ALDH7A1: variants seen among roughly 807,000 people sequenced by gnomAD.
The protein encoded by ALDH7A1 is alpha-aminoadipic semialdehyde dehydrogenase.
Under a neutral mutation model 79.9 loss-of-function variants are expected in ALDH7A1, and 63 were observed. The observed-to-expected ratio is 0.79, with a 90% CI of 0.64 to 0.97. ALDH7A1 has a LOEUF of 0.97. Ranked by LOEUF, ALDH7A1 falls within the 50% of genes least tolerant of loss-of-function variation. The pLI is 0.00. For synonymous variants in ALDH7A1, 240 were observed against 231.2 expected, an observed-to-expected ratio of 1.04 and a Z score of -0.34; for missense variants, 627 against 665.2, an observed-to-expected ratio of 0.94 and a Z score of 0.63.
At position 126,555,938 on chromosome 5, in the gene ALDH7A1, T is replaced by A; in HGVS notation, c.1086A>T (p.Pro362=). The change falls in exon 12 of 18, where the codon CCA becomes CCT. Residue 362 remains proline (P), a synonymous_variant. Transcript: ENST00000409134. The part of the protein sequence containing the change: ...KAYAQIRVGN[P]WDPNVLYGPL... The stretch of plus-strand genomic sequence containing the variant: ...GCAGAAGGAGATACTCACGGTCCCA[T>A]GGGTTCCCAACTCGGATCTGTGCAT... 1 of 1,612,694 alleles carries A rather than the reference T, an allele frequency of 6.2e-7. No individual in the cohort carries two copies. Among genetic ancestry groups the A allele is most frequent in the Non-Finnish European group, 8.5e-7 (1 of 1,178,854 alleles).
chr5:126,562,929 T>C (rs1750452515), intron 9 of ALDH7A1, among the ~76,000 whole-genome samples: 1 of 152,066 alleles, frequency 6.6e-6, no homozygotes, highest in Non-Finnish European at 1.5e-5. Flanking sequence ...ATGAAAGTAG[T>C]CCAAATCAAT....
At chr5:126,565,588 G>A (rs1750555087) in intron 9 of ALDH7A1, among the ~76,000 whole-genome samples, 1 of 152,040 alleles carries the variant, frequency 6.6e-6, no homozygotes, top group Admixed American at 6.6e-5. Context: ...GATGTCCTTT[G>A]AAGCACAAAA....
intron 9 of ALDH7A1, among the ~76,000 whole-genome samples, chr5:126,563,243 C>T (rs1484517007): frequency 1.3e-5 from 2 of 151,868 alleles, no homozygotes; most frequent in Non-Finnish European, 2.9e-5. Flanking sequence ...TTCCTCTGTG[C>T]ATTTATATCT....
chr5:126,546,960 C>T (rs532481848), intron 16 of ALDH7A1, among the ~76,000 whole-genome samples: 1 of 152,340 alleles, frequency 6.6e-6, no homozygotes, highest in East Asian at 1.9e-4. Flanking sequence ...CCAGAAAAAT[C>T]ACAGCTGAAT....
At chr5:126,578,733 T>C (rs1339054668) in intron 5 of ALDH7A1, among the ~76,000 whole-genome samples, 1 of 151,762 alleles carries the variant, frequency 6.6e-6, no homozygotes, top group African/African-American at 2.4e-5. Flanking sequence ...TCACCCATAA[T>C]CCTACAAGGT....
intron 5 of ALDH7A1, among the ~76,000 whole-genome samples, chr5:126,579,342 T>C (rs1040622743): frequency 6.6e-6 from 1 of 152,186 alleles, no homozygotes; most frequent in African/African-American, 2.4e-5. Flanking sequence ...TAACCTTCTC[T>C]TGGAGGCCTT....
chr5:126,570,347 A>G (rs1750731258), intron 8 of ALDH7A1: 2 of 197,396 alleles, frequency 1.0e-5, no homozygotes, highest in African/African-American at 4.8e-5. Context: ...GAAAAAAACA[A>G]TTTTACTAAA....
Position 126,595,179 on chromosome 5 carries a change from G to T in ALDH7A1, c.20C>A (p.Ala7Glu), listed in dbSNP as rs1561674305. The part of the protein sequence containing the change: MWRLPR[A>E]LCVHAAKTSK... ...GGTCTTTGCAGCGTGCACACACAGC[G>T]CGCGAGGAAGGCGCCACATACTGAG... The change falls in exon 1 of 18, where the codon GCG becomes GAG. Residue 7 changes from alanine (A) to glutamate (E), a missense_variant. Physicochemically the swap from Ala to Glu is moderately radical, Grantham distance 107. Coordinates refer to ENST00000409134, the MANE Select transcript of ALDH7A1 (RefSeq NM_001182.5). The T allele has an allele frequency of 6.4e-7, 1 of 1,552,588 alleles. No homozygotes were observed.
intron 3 of ALDH7A1, among the ~76,000 whole-genome samples, chr5:126,585,021 G>A (rs1751312365): frequency 6.6e-6 from 1 of 152,138 alleles, no homozygotes; most frequent in Non-Finnish European, 1.5e-5. Context: ...AGCTAAGGCT[G>A]GGCGCGGTGG....
chr5:126,548,786 G>A (rs1218151076), intron 16 of ALDH7A1, among the ~76,000 whole-genome samples: 1 of 151,262 alleles, frequency 6.6e-6, no homozygotes, highest in African/African-American at 2.4e-5. Flanking sequence ...TTGACTGGGT[G>A]CAGTGGCTCA....
chr5:126,555,883 A>G, intron 12 of ALDH7A1, 48 bp downstream of exon 12: 1 of 1,442,290 alleles, frequency 6.9e-7, no homozygotes, highest in Non-Finnish European at 9.8e-7. Flanking sequence ...ACTTGTTAAC[A>G]ACAGCTCTCA....
In ALDH7A1 at chr5:126,589,937, G is replaced by A. The variant is rs111960173; in HGVS notation, c.312+2727C>T. 8.4e-3 allele frequency among the ~76,000 whole-genome samples: 1,233 copies of A among 146,612 alleles called. 20 individuals are homozygous for A. The highest frequency in any genetic ancestry group is 0.051 in the East Asian group (243 of 4,784). On this transcript the variant is annotated intron_variant, in intron 3 of 17. Coordinates refer to ENST00000409134, the MANE Select transcript of ALDH7A1 (RefSeq NM_001182.5). ...CCCAGCTGCCCAATGTCTGGGAAGC[G>A]AGGAGTGCCTCTGCCCAGCTGCTGC... is the stretch of plus-strand genomic sequence containing the variant.
rs758974665 is a variant in ALDH7A1, at chr5:126,554,297, T to C, written c.1190A>G (p.Tyr397Cys). 5.6e-6 allele frequency: 9 copies of C among 1,613,892 alleles called. No homozygotes were observed. Among genetic ancestry groups the C allele is most frequent in the Non-Finnish European group, 7.6e-6 (9 of 1,179,912 alleles). ...EAKKEGGTVV[Y>C]GGKVMDRPGN... ...CAGAGCATCCCTTACCTTGCCCCCATAGACCACTGTGCCACCTTCTTTCTT... is the reference window on the plus strand; with the variant it reads ...CAGAGCATCCCTTACCTTGCCCCCACAGACCACTGTGCCACCTTCTTTCTT... The change falls in exon 13 of 18, where the codon TAT becomes TGT. Residue 397 changes from tyrosine to cysteine, a missense_variant. By Grantham distance (194) the Tyr-to-Cys change is radical (BLOSUM62 -2). Transcript: ENST00000409134.
chr5:126,586,283 A>G (rs1359741585), intron 3 of ALDH7A1: 1 of 152,218 alleles, frequency 6.6e-6, no homozygotes, highest in African/African-American at 2.4e-5. Context: ...CACATAACCT[A>G]TACATTTCCT....
intron 9 of ALDH7A1, among the ~76,000 whole-genome samples, chr5:126,566,840 T>C (rs1197529249): frequency 6.6e-6 from 1 of 152,202 alleles, no homozygotes; most frequent in Admixed American, 6.5e-5. Context: ...TTCTCACCAC[T>C]ATACTAATGA....
rs781569684 is a variant in ALDH7A1 at position 126,582,883 on chromosome 5, C to T, written c.485G>A (p.Arg162Lys). The change falls in exon 5 of 18, where the codon AGG becomes AAG. Residue 162 changes from arginine to lysine, a missense_variant. Arg to Lys is a conservative substitution (Grantham distance 26). Coordinates refer to ENST00000409134, the MANE Select transcript of ALDH7A1 (RefSeq NM_001182.5). Reference sequence around the variant, plus strand: ...AGGCAAGATAGGTCCTCCAATCATCCTTGATAAACCAACAGCATAGTCACA... The same window carrying T: ...AGGCAAGATAGGTCCTCCAATCATCTTTGATAAACCAACAGCATAGTCACA... Reference protein sequence around the residue: ...DICDYAVGLSRMIGGPILPSE... With the variant: ...DICDYAVGLSKMIGGPILPSE... 8 of 1,613,040 alleles carry T rather than the reference C, an allele frequency of 5.0e-6. No individual in the cohort carries two copies. The highest frequency in any genetic ancestry group is 6.8e-6 in the Non-Finnish European group (8 of 1,179,946).
At chr5:126,577,260 C>G (rs1751009002) in intron 5 of ALDH7A1, 49 bp from the exon 6 acceptor site, 1 of 1,608,352 alleles carries the variant, frequency 6.2e-7, no homozygotes, top group Admixed American at 1.7e-5. Context: ...TAATTTAATG[C>G]CCATCAAGTT....
chr5:126,586,255 T>C (rs1751356131), intron 3 of ALDH7A1: 1 of 152,232 alleles, frequency 6.6e-6, no homozygotes, highest in African/African-American at 2.4e-5. Context: ...CAAAAACCTG[T>C]AGCATTATAT....
At chr5:126,555,882 C>T in intron 12 of ALDH7A1, 49 bp downstream of exon 12, 1 of 1,439,554 alleles carries the variant, frequency 6.9e-7, no homozygotes, top group South Asian at 1.1e-5. Flanking sequence ...CACTTGTTAA[C>T]AACAGCTCTC....
Sources: gnomAD v4.1 joint callset for allele counts (sites outside exome capture counted in the v4.1 genomes callset) on GRCh38, gnomAD v4.1.1 for gene constraint, MANE v1.5 for transcripts, NCBI Gene and HGNC (gene_info 2026-07-23, HGNC 2026-07-21) for gene names.